TNNT1: variants seen among roughly 807,000 people sequenced by gnomAD.
TNNT1 encodes troponin T, slow skeletal muscle.
Under a neutral mutation model 50.6 loss-of-function variants are expected in TNNT1, and 53 were observed. That is an observed-to-expected ratio of 1.05 (90% CI 0.84 to 1.32). TNNT1 has a LOEUF of 1.32. TNNT1 is among the 40% of genes most tolerant of loss of function. The pLI is 0.00. For synonymous variants in TNNT1, 142 were observed against 138.0 expected, an observed-to-expected ratio of 1.03 and a Z score of -0.20; for missense variants, 348 against 381.7, an observed-to-expected ratio of 0.91 and a Z score of 0.74.
chr19:55,145,990 G>GC (rs983751047), intron 5 of TNNT1, among the ~76,000 whole-genome samples: 1 of 21,668 alleles, frequency 4.6e-5, no homozygotes, highest in Non-Finnish European at 1.0e-4. Context: ...CCGCCCCACC[G>GC]CCCCCCCGCC....
intron 6 of TNNT1, 96 bp downstream of exon 6, chr19:55,145,448 C>A: frequency 8.3e-7 from 1 of 1,202,016 alleles, no homozygotes; most frequent in African/African-American, 1.5e-5. Context: ...TCAATTTCCT[C>A]CCTCCATCTC....
chr19:55,143,191 C>A (rs532239612), intron 6 of TNNT1, among the ~76,000 whole-genome samples: 1 of 148,950 alleles, frequency 6.7e-6, no homozygotes, highest in Non-Finnish European at 1.5e-5. Flanking sequence ...AAAGAGATGG[C>A]GTTTCACTAT....
chr19:55,141,934 A>C lies in TNNT1; in HGVS notation c.129-14T>G. 1 of 1,613,834 alleles carries C rather than the reference A, an allele frequency of 6.2e-7. No homozygotes were observed. The highest frequency in any genetic ancestry group is 8.5e-7 in the Non-Finnish European group (1 of 1,179,830). Reference sequence around the variant, plus strand: ...ACCACGGGGCGGCTGAGTGGACAGAAACACAGAGACCATGAGTGGCCCGAC... The same window carrying C: ...ACCACGGGGCGGCTGAGTGGACAGACACACAGAGACCATGAGTGGCCCGAC... On this transcript the variant is annotated splice_polypyrimidine_tract_variant and intron_variant, in intron 6 of 13. Coordinates refer to ENST00000588981, the MANE Select transcript of TNNT1 (RefSeq NM_003283.6).
chr19:55,143,797 G>A (rs1055730740), intron 6 of TNNT1, among the ~76,000 whole-genome samples: 4 of 151,832 alleles, frequency 2.6e-5, no homozygotes, highest in African/African-American at 9.7e-5. Flanking sequence ...CTGAGGACTC[G>A]CCAACTGTCT....
chr19:55,134,472 G>T (rs1159045614), intron 11 of TNNT1, among the ~76,000 whole-genome samples: 1 of 151,340 alleles, frequency 6.6e-6, no homozygotes, highest in Admixed American at 6.6e-5. Flanking sequence ...GAACACTTGA[G>T]CCCAGGAGTT....
intron 13 of TNNT1, 87 bp from the exon 14 acceptor site, chr19:55,133,047 C>A: frequency 1.6e-6 from 2 of 1,222,794 alleles, no homozygotes; most frequent in Non-Finnish European, 2.4e-6. Flanking sequence ...GAAGCCCATT[C>A]CCCAAAATAT....
At chr19:55,141,828 C>A (rs762627513) in intron 7 of TNNT1, 29 bp downstream of exon 7, 27 of 1,612,576 alleles carry the variant, frequency 1.7e-5, no homozygotes, top group Admixed American at 6.7e-5. Context: ...CTAGCAACTG[C>A]GCCTGCGGAG....
chr19:55,143,190 G>C (rs1429380394), intron 6 of TNNT1, among the ~76,000 whole-genome samples: 1 of 151,634 alleles, frequency 6.6e-6, no homozygotes, highest in African/African-American at 2.4e-5. Flanking sequence ...AAAAGAGATG[G>C]CGTTTCACTA....
rs140437888 is a variant in TNNT1 at position 55,140,338 on chromosome 19, G to A, written c.387+545C>T. Among the ~76,000 whole-genome samples the A allele has an allele frequency of 2.5e-3, 387 of 151,934 alleles. 1 individual carries two copies. The highest frequency in any genetic ancestry group is 0.013 in the East Asian group (66 of 5,158). On this transcript the variant is annotated intron_variant, in intron 9 of 13. Transcript: ENST00000588981. ...AAAAAAACTAGTGGGGCAGAGTGGC[G>A]CAGCCTATATAGTTCCAGCGACTCT... is the stretch of plus-strand genomic sequence containing the variant.
Position 55,134,072 on chromosome 19 carries a change from T to C in TNNT1, c.744A>G (p.Lys248=), listed in dbSNP as rs1459803178. ...FDLMAKLKQQ[K]YEINVLYNRI... ...CTGCGGAGCTGGGTCTCACCTCATATTTCTGCTGTTTCAGCTTCGCCATCA... is the reference window on the plus strand; with the variant it reads ...CTGCGGAGCTGGGTCTCACCTCATACTTCTGCTGTTTCAGCTTCGCCATCA... Residue 248 remains lysine, a synonymous_variant, in exon 12 of 14, where the codon AAA becomes AAG. Transcript: ENST00000588981. The C allele has an allele frequency of 6.2e-6, 10 of 1,613,112 alleles. No homozygotes were observed. The highest frequency in any genetic ancestry group is 8.5e-6 in the Non-Finnish European group (10 of 1,179,892).
At position 55,137,104 on chromosome 19, in the gene TNNT1, G is replaced by T. The variant is rs139208059; in HGVS notation, c.610C>A (p.Arg204=). 3.9e-6 allele frequency: 3 copies of T among 766,874 alleles called. No homozygotes were observed. Among genetic ancestry groups the T allele is most frequent in the African/African-American group, 2.2e-5 (1 of 45,418 alleles). The allele number at this position is 766,874 out of a possible 1,614,324, so 47.5% of individuals were successfully genotyped here. The change falls in exon 11 of 14, where the codon CGG becomes AGG. Residue 204 remains arginine (R), a splice_region_variant and synonymous_variant. Coordinates refer to ENST00000588981, the MANE Select transcript of TNNT1 (RefSeq NM_003283.6). ...DIDYMGEEQL[R]ARSAWLPPSQ... Reference sequence around the variant, plus strand: ...CCCCGAGCCCCCCACAGCACCTACCGGAGCTGTTCCTCCCCCATGTAGTCA... The same window carrying T: ...CCCCGAGCCCCCCACAGCACCTACCTGAGCTGTTCCTCCCCCATGTAGTCA...
intron 7 of TNNT1, among the ~76,000 whole-genome samples, chr19:55,141,590 T>C (rs1020195353): frequency 1.3e-5 from 2 of 151,678 alleles, no homozygotes; most frequent in African/African-American, 4.8e-5. Flanking sequence ...TTCAAGCGAT[T>C]TTCCTGCCTC....
At chr19:55,142,445 A>C (rs548551719) in intron 6 of TNNT1, among the ~76,000 whole-genome samples, 1 of 152,158 alleles carries the variant, frequency 6.6e-6, no homozygotes, top group East Asian at 1.9e-4. Flanking sequence ...TACTGATTAC[A>C]TGTTGAAATG....
chr19:55,135,492 C>G (rs1195552042), intron 11 of TNNT1: 12 of 331,466 alleles, frequency 3.6e-5, no homozygotes, highest in East Asian at 2.8e-4. Context: ...GCAGTCTCAA[C>G]CTCTCAGGCT....
rs1233225506 is a variant in TNNT1 at position 55,147,446 on chromosome 19, A to G, written c.-11-278T>C. On this transcript the variant is annotated intron_variant, in intron 1 of 13. Transcript: ENST00000588981. The stretch of plus-strand genomic sequence containing the variant: ...GGACTCCTGGGTCTGAGGGAGGAGG[A>G]GCTGGGGCCTGGACTCCTGGGTCTG... 991 of 212,902 alleles carry G rather than the reference A, an allele frequency of 4.7e-3. 3 individuals carry two copies. The highest frequency in any genetic ancestry group is 8.3e-3 in the African/African-American group (86 of 10,302). The allele number at this position is 212,902 out of a possible 1,614,324, so 13.2% of individuals were successfully genotyped here. A position where few individuals can be genotyped will look rare whatever the true frequency, so the allele number is the denominator to read the frequency against.
intron 6 of TNNT1, 139 bp downstream of exon 6, chr19:55,145,405 G>A: frequency 4.1e-6 from 3 of 738,638 alleles, no homozygotes; most frequent in Non-Finnish European, 2.4e-6. Context: ...GGGGGAGGGA[G>A]GAGGAGGAGG....
At position 55,147,033 on chromosome 19, in the gene TNNT1, T is replaced by A; in HGVS notation, c.33-12A>T. The A allele has an allele frequency of 6.2e-7, 1 of 1,611,562 alleles. No homozygotes were observed. The highest frequency in any genetic ancestry group is 8.5e-7 in the Non-Finnish European group (1 of 1,179,312). ...CTTCCGGCTGCTCCCTGCGGACGGG[T>A]GTGGGGAGAGAGGAGGGAGGGGAGA... is the stretch of plus-strand genomic sequence containing the variant. On this transcript the variant is annotated splice_polypyrimidine_tract_variant and intron_variant, in intron 2 of 13. Coordinates refer to ENST00000588981, the MANE Select transcript of TNNT1 (RefSeq NM_003283.6).
intron 12 of TNNT1, 54 bp from the exon 13 acceptor site, chr19:55,133,981 C>T: frequency 6.2e-7 from 1 of 1,612,898 alleles, no homozygotes; most frequent in East Asian, 2.2e-5. Context: ...TGGGGACGGG[C>T]CACCCACCCC....
At chr19:55,136,827 A>C (rs1435042310) in intron 11 of TNNT1, among the ~76,000 whole-genome samples, 1 of 152,078 alleles carries the variant, frequency 6.6e-6, no homozygotes, top group Admixed American at 6.5e-5. Flanking sequence ...GAGTTAACAA[A>C]ATCTCCTAAA....
Sources: gnomAD v4.1 joint callset for allele counts (sites outside exome capture counted in the v4.1 genomes callset) on GRCh38, gnomAD v4.1.1 for gene constraint, MANE v1.5 for transcripts, NCBI Gene and HGNC (gene_info 2026-07-23, HGNC 2026-07-21) for gene names.